The following JARID2 variants were observed in gnomAD, a reference collection of about 807,000 sequenced individuals.
JARID2 encodes the protein protein Jumonji.
In JARID2, 21 loss-of-function variants were observed where a neutral mutation model predicts 125.6. The ratio of observed to expected loss-of-function variants is 0.17; its 90% CI spans 0.12 to 0.24. The LOEUF (loss-of-function observed/expected upper bound fraction) is 0.24. Ranked by LOEUF, JARID2 falls within the 10% of genes least tolerant of loss-of-function variation. The probability of loss-of-function intolerance (pLI) is 1.00; values close to 1 mark genes in which losing one functional copy is unlikely to be tolerated. For missense variants in JARID2, 1,303 were observed against 1,639.6 expected, an observed-to-expected ratio of 0.79 and a Z score of 3.55; for synonymous variants, 736 against 661.6, an observed-to-expected ratio of 1.11 and a Z score of -1.73.
intron 1 of JARID2, among the ~76,000 whole-genome samples, chr6:15,366,961 G>A (rs1217469825): frequency 6.6e-6 from 1 of 150,486 alleles, no homozygotes; most frequent in South Asian, 2.1e-4. Flanking sequence ...TGGAGATATG[G>A]TTAAAAAAAA....
At chr6:15,394,962 G>C (rs1469914268) in intron 2 of JARID2, among the ~76,000 whole-genome samples, 2 of 150,434 alleles carry the variant, frequency 1.3e-5, no homozygotes, top group African/African-American at 4.9e-5. Flanking sequence ...TTTGGAAATG[G>C]ACATAGAATT....
intron 1 of JARID2, among the ~76,000 whole-genome samples, chr6:15,273,428 G>A (rs1271234965): frequency 6.6e-6 from 1 of 152,216 alleles, no homozygotes; most frequent in South Asian, 2.1e-4. Context: ...TCAGCCAGAT[G>A]TGGTGGCTCA....
chr6:15,422,261 C>G (rs1667150327), intron 3 of JARID2, among the ~76,000 whole-genome samples: 1 of 152,164 alleles, frequency 6.6e-6, no homozygotes, highest in African/African-American at 2.4e-5. Context: ...TACTCTTTTT[C>G]TTTACTTTTC....
intron 7 of JARID2, 25 bp from the exon 8 acceptor site, chr6:15,500,882 G>GT (rs1561908772): frequency 6.4e-6 from 10 of 1,566,264 alleles, no homozygotes; most frequent in African/African-American, 1.4e-5. Context: ...TAACTGTCCC[G>GT]TTTTTTTCCC....
intron 8 of JARID2, among the ~76,000 whole-genome samples, chr6:15,501,858 C>T (rs1156300519): frequency 1.3e-5 from 2 of 152,170 alleles, no homozygotes; most frequent in African/African-American, 4.8e-5. Flanking sequence ...AGTAACTGGG[C>T]TGCATGCTTC....
intron 2 of JARID2, among the ~76,000 whole-genome samples, chr6:15,407,289 T>C (rs1581515884): frequency 6.6e-6 from 1 of 151,632 alleles, no homozygotes; most frequent in Admixed American, 6.6e-5. Flanking sequence ...AAAAAACAAG[T>C]CCCCAGAGCA....
intron 1 of JARID2, among the ~76,000 whole-genome samples, chr6:15,250,519 G>GT (rs1759404636): frequency 6.6e-6 from 1 of 152,160 alleles, no homozygotes. Flanking sequence ...GGCAGTGGCA[G>GT]TTTAGCTCCT....
chr6:15,381,169 T>C (rs1289470822), intron 2 of JARID2, among the ~76,000 whole-genome samples: 1 of 150,388 alleles, frequency 6.6e-6, no homozygotes, highest in Non-Finnish European at 1.5e-5. Context: ...CTGGCTAACA[T>C]GGTGAAACCC....
intron 1 of JARID2, among the ~76,000 whole-genome samples, chr6:15,340,737 C>G (rs1181541502): frequency 1.3e-5 from 2 of 152,166 alleles, no homozygotes; most frequent in Admixed American, 1.3e-4. Context: ...TTCAATCCTA[C>G]TTGGTCGTTT....
intron 6 of JARID2, among the ~76,000 whole-genome samples, chr6:15,491,719 C>G (rs1468630380): frequency 6.6e-6 from 1 of 152,108 alleles, no homozygotes; most frequent in Non-Finnish European, 1.5e-5. Flanking sequence ...GTGCATGTTT[C>G]TCCTTTTCAT....
intron 2 of JARID2, among the ~76,000 whole-genome samples, chr6:15,374,532 A>G (rs1167252521): frequency 1.3e-5 from 2 of 152,226 alleles, no homozygotes; most frequent in Non-Finnish European, 2.9e-5. Context: ...CCACACTGGT[A>G]TGTGAGCAGA....
At chr6:15,439,300 C>T (rs955839941) in intron 3 of JARID2, among the ~76,000 whole-genome samples, 4 of 152,158 alleles carry the variant, frequency 2.6e-5, no homozygotes, top group African/African-American at 9.7e-5. Context: ...TTGCATGGAT[C>T]TCTATCCTCC....
At chr6:15,297,917 GA>G (rs11364502) in intron 1 of JARID2, among the ~76,000 whole-genome samples, 70,816 of 147,156 alleles carry the variant, frequency 0.48, 17,173 homozygotes, top group African/African-American at 0.6. Context: ...AGTGGAAAAA[GA>G]AAAAAAAAAA....
At chr6:15,358,597 A>G (rs1581452261) in intron 1 of JARID2, among the ~76,000 whole-genome samples, 1 of 152,346 alleles carries the variant, frequency 6.6e-6, no homozygotes, top group South Asian at 2.1e-4. Context: ...GTTTCAGTGA[A>G]TGAAAACTTG....
chr6:15,388,340 T>G (rs1764866874), intron 2 of JARID2, among the ~76,000 whole-genome samples: 1 of 152,140 alleles, frequency 6.6e-6, no homozygotes, highest in Non-Finnish European at 1.5e-5. Flanking sequence ...TTACTAGATA[T>G]GCTTCTGGGA....
At chr6:15,420,709 C>G (rs938150096) in intron 3 of JARID2, among the ~76,000 whole-genome samples, 4 of 152,164 alleles carry the variant, frequency 2.6e-5, no homozygotes, top group Non-Finnish European at 4.4e-5. Context: ...GTTCTGAGAT[C>G]TGATTATTAG....
intron 1 of JARID2, among the ~76,000 whole-genome samples, chr6:15,336,314 G>A (rs548058767): frequency 1.3e-5 from 2 of 152,196 alleles, no homozygotes; most frequent in East Asian, 1.9e-4. Context: ...GTAATATTTC[G>A]CTATTGCGAA....
chr6:15,479,023 C>T (rs1199345203), intron 5 of JARID2, among the ~76,000 whole-genome samples: 5 of 152,172 alleles, frequency 3.3e-5, no homozygotes, highest in African/African-American at 1.2e-4. Context: ...GTGTTCTTTA[C>T]GAGTTAACGC....
At chr6:15,372,010 T>C (rs1300976360) in intron 1 of JARID2, among the ~76,000 whole-genome samples, 1 of 152,222 alleles carries the variant, frequency 6.6e-6, no homozygotes, top group Non-Finnish European at 1.5e-5. Flanking sequence ...CTGTAGAAGA[T>C]GGAGAATTAC....
Sources: allele counts gnomAD v4.1 joint callset (sites outside exome capture counted in the v4.1 genomes callset), GRCh38; gene constraint gnomAD v4.1.1; transcripts MANE v1.5; gene names NCBI Gene and HGNC (gene_info 2026-07-23, HGNC 2026-07-21).